The following FGF12 variants were observed in gnomAD, a reference collection of about 807,000 sequenced individuals.
FGF12 encodes fibroblast growth factor 12, also known as fibroblast growth factor 12B.
FGF12 carries 14 observed loss-of-function variants against 23.6 expected under a neutral mutation model. The observed-to-expected ratio is 0.59, with a 90% CI of 0.39 to 0.93. FGF12 has a LOEUF of 0.93. Ranked by LOEUF, FGF12 falls within the 40% of genes least tolerant of loss-of-function variation. The pLI is 0.00. For missense variants in FGF12, 175 were observed against 217.8 expected, an observed-to-expected ratio of 0.80 and a Z score of 1.24; for synonymous variants, 62 against 77.3, an observed-to-expected ratio of 0.80 and a Z score of 1.04.
At chr3:192,496,470 CT>C (rs1370144139) in intron 2 of FGF12, among the ~76,000 whole-genome samples, 13 of 152,056 alleles carry the variant, frequency 8.5e-5, no homozygotes, top group African/African-American at 2.9e-4. Context: ...GCAACATCAG[CT>C]TTCCTTCTTC....
chr3:192,226,348 A>G (rs146649921), intron 4 of FGF12, among the ~76,000 whole-genome samples: 28 of 152,266 alleles, frequency 1.8e-4, no homozygotes, highest in African/African-American at 6.7e-4. Flanking sequence ...TTTTTTCAAA[A>G]CACAGTATCC....
intron 2 of FGF12, among the ~76,000 whole-genome samples, chr3:192,469,268 T>C (rs1723102622): frequency 6.6e-6 from 1 of 152,186 alleles, no homozygotes. Context: ...GTGTGTTCAT[T>C]ATAAACAGAG....
intron 2 of FGF12, among the ~76,000 whole-genome samples, chr3:192,721,807 C>A (rs1719047488): frequency 1.3e-5 from 2 of 152,120 alleles, no homozygotes; most frequent in Non-Finnish European, 2.9e-5. Flanking sequence ...TGTTCTCCCA[C>A]ACAATAATTT....
chr3:192,229,169 A>T (rs905944326), intron 4 of FGF12, among the ~76,000 whole-genome samples: 12 of 151,626 alleles, frequency 7.9e-5, no homozygotes, highest in African/African-American at 2.9e-4. Flanking sequence ...TAAAATTTTA[A>T]AAAAAAAAAC....
chr3:192,155,046 C>T (rs1237075975), intron 5 of FGF12, among the ~76,000 whole-genome samples: 1 of 150,416 alleles, frequency 6.6e-6, no homozygotes, highest in Non-Finnish European at 1.5e-5. Context: ...GTCTGAAAAG[C>T]GCAATATTCG....
At chr3:192,454,899 A>G (rs190857144) in intron 2 of FGF12, among the ~76,000 whole-genome samples, 14 of 152,256 alleles carry the variant, frequency 9.2e-5, no homozygotes, top group African/African-American at 3.4e-4. Context: ...AAGGCTCAAC[A>G]TCTATTCTGG....
chr3:192,205,240 T>G (rs753981714), intron 4 of FGF12, among the ~76,000 whole-genome samples: 5 of 152,230 alleles, frequency 3.3e-5, no homozygotes, highest in African/African-American at 1.2e-4. Flanking sequence ...GATTAAAATA[T>G]TCAACCTTAT....
rs185389559 is a variant in FGF12, at chr3:192,159,899, A to G, written c.427+10559T>C. ...CAGTAGTGTCTGAGTTGTAATAACC[A>G]GTACTAGGGGATTACAAGTGATTTT... On this transcript the variant is annotated intron_variant, in intron 5 of 5. Coordinates refer to ENST00000445105, the MANE Select transcript of FGF12 (RefSeq NM_004113.6). Among the ~76,000 whole-genome samples the G allele has an allele frequency of 3.4e-4, 52 of 152,194 alleles. 1 individual carries two copies. The East Asian group carries it at 9.1e-3, about 27-fold the overall frequency.
intron 2 of FGF12, among the ~76,000 whole-genome samples, chr3:192,471,147 C>A (rs1723162333): frequency 6.6e-6 from 1 of 152,150 alleles, no homozygotes; most frequent in Non-Finnish European, 1.5e-5. Context: ...CGGTGCCTGG[C>A]AAGGATTAGA....
At position 192,408,533 on chromosome 3, in the gene FGF12, G is replaced by A. The variant is rs567431652; in HGVS notation, c.14-47995C>T. ...GCACCCCAAACTTGCACCCCAAGGC[G>A]ATCGGCGTCCAAGGGGCAGTGGGGA... On this transcript the variant is annotated intron_variant, in intron 2 of 5. Coordinates refer to ENST00000445105, the MANE Select transcript of FGF12 (RefSeq NM_004113.6). This position sits in a 1 kb window ranked among gnomAD's most constrained non-coding sequence, Gnocchi z 7.3. 2.3e-4 allele frequency: 279 copies of A among 1,190,634 alleles called. 3 individuals carry two copies. In the South Asian group the frequency reaches 6.9e-3, roughly 29 times the overall value. 73.8% of individuals were successfully genotyped at this position (1,190,634 alleles called of 1,614,324 possible).
chr3:192,317,336 G>C lies in FGF12; in HGVS notation c.228+18025C>G, dbSNP rs151026689. 1.3e-3 allele frequency among the ~76,000 whole-genome samples: 202 copies of C among 151,920 alleles called. 1 individual carries two copies. The highest frequency in any genetic ancestry group is 4.6e-3 in the African/African-American group (191 of 41,416). Reference sequence around the variant, plus strand: ...ATGGTATTTCTGGACCAGTCCTGGGGCAGAAGTGAGCCCACTGTCCTAAAG... The same window carrying C: ...ATGGTATTTCTGGACCAGTCCTGGGCCAGAAGTGAGCCCACTGTCCTAAAG... On this transcript the variant is annotated intron_variant, in intron 4 of 5. Transcript: ENST00000445105.
rs545839857 is a variant in FGF12 at position 192,170,258 on chromosome 3, C to T, written c.427+200G>A. ...CTGAGCCATTGCATTCTAGTGTGGG[C>T]GACAGAGCAAGACTCTGCCTCAAAA... is the stretch of plus-strand genomic sequence containing the variant. On this transcript the variant is annotated intron_variant, in intron 5 of 5. Coordinates refer to ENST00000445105, the MANE Select transcript of FGF12 (RefSeq NM_004113.6). Among the ~76,000 whole-genome samples the T allele has an allele frequency of 1.7e-3, 223 of 132,924 alleles. 1 individual carries two copies. The highest frequency in any genetic ancestry group is 6.2e-3 in the African/African-American group (211 of 33,870). 87.2% of individuals were successfully genotyped at this position (132,924 alleles called of 152,430 possible).
chr3:192,316,279 A>T (rs1716224723), intron 4 of FGF12, among the ~76,000 whole-genome samples: 1 of 152,216 alleles, frequency 6.6e-6, no homozygotes, highest in Non-Finnish European at 1.5e-5. Flanking sequence ...ACACAAAAAA[A>T]AATCCTTCAT....
chr3:192,196,349 G>A (rs1717067786), intron 4 of FGF12, among the ~76,000 whole-genome samples: 1 of 152,134 alleles, frequency 6.6e-6, no homozygotes, highest in South Asian at 2.1e-4. Flanking sequence ...ACTAATCTGG[G>A]TAAATAGCAC....
At position 192,408,028 on chromosome 3, in the gene FGF12, G is replaced by T. The variant is rs754343841; in HGVS notation, c.14-47490C>A. The T allele has an allele frequency of 1.2e-6, 2 of 1,609,690 alleles. No individual in the cohort carries two copies. The highest frequency in any genetic ancestry group is 2.2e-5 in the South Asian group (2 of 90,702). On this transcript the variant is annotated intron_variant, in intron 2 of 5. Transcript: ENST00000445105. This position sits in a 1 kb window ranked among gnomAD's most constrained non-coding sequence, Gnocchi z 7.3. ...CACTCTCCGGGCTTCTACTGACCTG[G>T]TCTCCGCCTCACCGGCCTCTTGCGG...
intron 2 of FGF12, among the ~76,000 whole-genome samples, chr3:192,475,488 C>A (rs1039674335): frequency 6.6e-5 from 10 of 152,166 alleles, no homozygotes; most frequent in African/African-American, 1.2e-4. Flanking sequence ...ACTGGAAATA[C>A]CAGCTTGGTC....
In FGF12 at chr3:192,166,631, C is replaced by T. The variant is rs141295552; in HGVS notation, c.427+3827G>A. 4.5e-3 allele frequency among the ~76,000 whole-genome samples: 691 copies of T among 152,216 alleles called. 20 individuals carry two copies. The highest frequency in any genetic ancestry group is 0.041 in the Admixed American group (634 of 15,280). Reference sequence around the variant, plus strand: ...GTTTCATTTTTCACATTTGTAAATGCGGATAATACTGGAACCTACTTCGTA... The same window carrying T: ...GTTTCATTTTTCACATTTGTAAATGTGGATAATACTGGAACCTACTTCGTA... On this transcript the variant is annotated intron_variant, in intron 5 of 5. Coordinates refer to ENST00000445105, the MANE Select transcript of FGF12 (RefSeq NM_004113.6).
At chr3:192,265,983 A>G (rs1713053724) in intron 4 of FGF12, among the ~76,000 whole-genome samples, 1 of 152,154 alleles carries the variant, frequency 6.6e-6, no homozygotes, top group Admixed American at 6.6e-5. Flanking sequence ...GGCTCATAGG[A>G]AAGAATTCAT....
Position 192,655,109 on chromosome 3 carries a change from G to T in FGF12, c.13+72072C>A, listed in dbSNP as rs1336008016. Among the ~76,000 whole-genome samples, 5 of 152,088 alleles carry T rather than the reference G, an allele frequency of 3.3e-5. No homozygotes were observed. In the East Asian group the frequency reaches 7.7e-4, roughly 23 times the overall value. On this transcript the variant is annotated intron_variant, in intron 2 of 5. Transcript: ENST00000445105. ...AAACATCTTCTTAAAGTCCTATTTT[G>T]TATATGGTGTATAAAACATCGATGA...
Sources: allele counts gnomAD v4.1 joint callset (sites outside exome capture counted in the v4.1 genomes callset), GRCh38; gene constraint gnomAD v4.1.1; non-coding constraint Gnocchi (gnomAD v3.1); transcripts MANE v1.5; gene names NCBI Gene and HGNC (gene_info 2026-07-23, HGNC 2026-07-21).